Variants in TMCO4 observed in about 807,000 individuals in gnomAD.
TMCO4 encodes transmembrane and coiled-coil domain-containing protein 4.
A neutral mutation model predicts 64.7 loss-of-function variants in TMCO4; 58 were observed. That is an observed-to-expected ratio of 0.90 (90% CI 0.73 to 1.12). TMCO4 has a LOEUF of 1.12. Among genes scored for constraint, TMCO4 ranks in the 50% most tolerant of loss-of-function variants. The pLI is 0.00. For synonymous variants in TMCO4, 325 were observed against 346.1 expected, an observed-to-expected ratio of 0.94 and a Z score of 0.68; for missense variants, 780 against 825.9, an observed-to-expected ratio of 0.94 and a Z score of 0.68.
Position 19,780,712 on chromosome 1 carries a change from A to G in TMCO4, c.47T>C (p.Leu16Pro), listed in dbSNP as rs538881434. ...RPCQRLPQQP[L>P]VAEPTAEGEP... ...CCCCTCTGCAGTGGGCTCAGCTACC[A>G]GAGGCTGCTGAGGCAGCCTCTGGCA... Residue 16 changes from leucine (L) to proline (P), a missense_variant, in exon 4 of 16, where the codon CTG (leucine) becomes CCG (proline). By Grantham distance (98) the Leu-to-Pro change is moderately conservative (BLOSUM62 -3). Transcript: ENST00000294543. 2.9e-5 allele frequency: 46 copies of G among 1,610,694 alleles called. No individual in the cohort carries two copies. The African/African-American group carries it at 5.9e-4, about 21-fold the overall frequency.
chr1:19,757,159 C>CGGG (rs113533292), intron 6 of TMCO4, among the ~76,000 whole-genome samples: 19 of 135,518 alleles, frequency 1.4e-4, no homozygotes, highest in East Asian at 4.8e-4. Context: ...GGCGTGGTGG[C>CGGG]GGGGGGGGGC....
chr1:19,692,966 G>T (rs936421922), intron 15 of TMCO4, among the ~76,000 whole-genome samples: 2 of 151,036 alleles, frequency 1.3e-5, no homozygotes, highest in Non-Finnish European at 2.9e-5. Flanking sequence ...GAGCTCAGGG[G>T]TTCAAAACCA....
chr1:19,770,427 G>A, intron 6 of TMCO4, 115 bp downstream of exon 6: 1 of 1,132,700 alleles, frequency 8.8e-7, no homozygotes, highest in South Asian at 1.2e-5. Context: ...TTTCCTTCCT[G>A]AAGTCAAAAG....
intron 2 of TMCO4, among the ~76,000 whole-genome samples, chr1:19,791,485 C>A (rs2044034086): frequency 6.6e-6 from 1 of 152,178 alleles, no homozygotes; most frequent in African/African-American, 2.4e-5. Context: ...CCAAACTCTT[C>A]CAGCTGCACA....
chr1:19,768,262 C>T (rs948946635), intron 6 of TMCO4, among the ~76,000 whole-genome samples: 21 of 152,188 alleles, frequency 1.4e-4, no homozygotes, highest in African/African-American at 5.1e-4. Context: ...TGGCACATGG[C>T]GGCTTTGCCA....
intron 13 of TMCO4, among the ~76,000 whole-genome samples, chr1:19,717,067 T>A (rs1020484046): frequency 1.3e-5 from 2 of 152,138 alleles, no homozygotes; most frequent in Non-Finnish European, 1.5e-5. Flanking sequence ...GCGCCTGTAA[T>A]CCCAACTACT....
chr1:19,754,489 G>A (rs2042156612), intron 7 of TMCO4, among the ~76,000 whole-genome samples: 1 of 152,110 alleles, frequency 6.6e-6, no homozygotes, highest in Non-Finnish European at 1.5e-5. Context: ...GCATGAGGGT[G>A]GCTCTGGGTC....
intron 10 of TMCO4, among the ~76,000 whole-genome samples, chr1:19,742,436 A>G (rs926275146): frequency 6.6e-6 from 1 of 152,100 alleles, no homozygotes; most frequent in African/African-American, 2.4e-5. Flanking sequence ...TCAGGCCTCT[A>G]CCTGCCTGCT....
rs542306791 is a variant in TMCO4, at chr1:19,780,841, C to A, written c.-8-75G>T. On this transcript the variant is annotated intron_variant, in intron 3 of 15. Transcript: ENST00000294543. ...TTACTTAAGCATGACACAGAACTTA[C>A]AAACCATAAAAGGTTGATAAAGTAG... 3.9e-6 allele frequency: 5 copies of A among 1,273,242 alleles called. No individual in the cohort carries two copies. In the South Asian group the frequency reaches 6.1e-5, roughly 16 times the overall value. 78.9% of individuals were successfully genotyped at this position (1,273,242 alleles called of 1,614,324 possible).
intron 13 of TMCO4, among the ~76,000 whole-genome samples, chr1:19,718,720 CA>C (rs1219358593): frequency 6.6e-6 from 1 of 151,246 alleles, no homozygotes; most frequent in African/African-American, 2.4e-5. Context: ...CCACACCTTC[CA>C]AGGTGACTGG....
chr1:19,771,411 A>G lies in TMCO4; in HGVS notation c.251T>C (p.Met84Thr). ...LELSEAVLPT[M>T]TAFASGLGGE... ...TCCCAGGCCGCTCGCAAAAGCAGTC[A>G]TGGTTGGCAAGACAGCTTCAGACAA... The change falls in exon 5 of 16, where the codon ATG becomes ACG. Residue 84 changes from methionine to threonine, a missense_variant. By Grantham distance (81) the Met-to-Thr change is moderately conservative (BLOSUM62 -1). Transcript: ENST00000294543. 1 of 1,614,146 alleles carries G rather than the reference A, an allele frequency of 6.2e-7. No individual in the cohort carries two copies. The highest frequency in any genetic ancestry group is 8.5e-7 in the Non-Finnish European group (1 of 1,180,012).
At chr1:19,764,780 G>A (rs546447801) in intron 6 of TMCO4, among the ~76,000 whole-genome samples, 63 of 149,142 alleles carry the variant, frequency 4.2e-4, no homozygotes, top group African/African-American at 1.4e-3. Flanking sequence ...GCTTGAACCC[G>A]GGAGGTGGAG....
chr1:19,759,484 T>C (rs544000672), intron 6 of TMCO4, among the ~76,000 whole-genome samples: 32 of 152,324 alleles, frequency 2.1e-4, no homozygotes, highest in African/African-American at 7.5e-4. Context: ...TTTCTTTCCA[T>C]GGTCTGCAAG....
chr1:19,740,162 C>T (rs2095472793), intron 11 of TMCO4, among the ~76,000 whole-genome samples: 2 of 152,200 alleles, frequency 1.3e-5, no homozygotes, highest in African/African-American at 2.4e-5. Flanking sequence ...TGCTCAAGCC[C>T]TTGTCACGTG....
At chr1:19,747,139 G>T in intron 8 of TMCO4, 24 bp downstream of exon 8, 1 of 1,610,228 alleles carries the variant, frequency 6.2e-7, no homozygotes, top group African/African-American at 1.3e-5. Context: ...CCAGACGTGT[G>T]CCACCATCTC....
chr1:19,780,390 G>A (rs554989768), intron 4 of TMCO4, among the ~76,000 whole-genome samples, 190 bp downstream of exon 4: 1 of 152,290 alleles, frequency 6.6e-6, no homozygotes, highest in African/African-American at 2.4e-5. Context: ...CTGCTGTGCG[G>A]CCAGGTTCCT....
intron 10 of TMCO4, among the ~76,000 whole-genome samples, chr1:19,742,373 T>C (rs1007679995): frequency 9.9e-5 from 15 of 152,204 alleles, no homozygotes; most frequent in African/African-American, 3.6e-4. Flanking sequence ...CATGTGGGAA[T>C]GGAGGGGTGG....
At chr1:19,707,308 G>C (rs1445970174) in intron 13 of TMCO4, among the ~76,000 whole-genome samples, 2 of 152,144 alleles carry the variant, frequency 1.3e-5, no homozygotes, top group Admixed American at 1.3e-4. Context: ...CAGTTTATTA[G>C]TTCATGAAAG....
chr1:19,697,080 G>A (rs961477223), intron 14 of TMCO4, among the ~76,000 whole-genome samples: 2 of 152,242 alleles, frequency 1.3e-5, no homozygotes, highest in African/African-American at 2.4e-5. Context: ...GTATACACAG[G>A]TGTTCAGGGA....
Sources: gnomAD v4.1 joint callset for allele counts (sites outside exome capture counted in the v4.1 genomes callset) on GRCh38, gnomAD v4.1.1 for gene constraint, MANE v1.5 for transcripts, NCBI Gene and HGNC (gene_info 2026-07-23, HGNC 2026-07-21) for gene names.